STX7: variants seen among roughly 807,000 people sequenced by gnomAD.
STX7 encodes the protein syntaxin-7.
A neutral mutation model predicts 39.6 loss-of-function variants in STX7; 34 were observed. That is an observed-to-expected ratio of 0.86 (90% CI 0.65 to 1.14). The LOEUF is 1.14. Ranked by LOEUF, STX7 falls within the 50% of genes most tolerant of loss-of-function variation. The pLI, the probability that STX7 is intolerant of heterozygous loss-of-function variation, is 0.00. For synonymous variants in STX7, 119 were observed against 99.1 expected (o/e 1.20, Z -1.19); for missense variants, 284 against 310.4 (o/e 0.92, Z 0.64).
rs1196136046 is a variant in STX7, at chr6:132,452,086, CA to C, written c.*8671del. 1.3e-5 allele frequency: 2 copies of C among 151,844 alleles called. No individual in the cohort carries two copies. The highest frequency in any genetic ancestry group is 2.9e-5 in the Non-Finnish European group (2 of 67,960). The allele number at this position is 151,844 out of a possible 1,614,324, so 9.4% of individuals were successfully genotyped here. A position where few individuals can be genotyped will look rare whatever the true frequency, so the allele number is the denominator to read the frequency against. On this transcript the variant is annotated 3_prime_UTR_variant, in exon 10 of 10. Transcript: ENST00000367941. ...AGGGATGTAACAATGGCTCAACATT[CA>C]AAAATCAATCAATGTATCTACCACA...
chr6:132,472,410 C>T (rs779385834), intron 3 of STX7, 35 bp from the exon 4 acceptor site: 13 of 1,494,598 alleles, frequency 8.7e-6, no homozygotes, highest in South Asian at 7.3e-5. Flanking sequence ...AGCCAAAGGA[C>T]TAATATACTT....
Position 132,455,860 on chromosome 6 carries a change from T to C in STX7, c.*4898A>G, listed in dbSNP as rs537095460. Reference sequence around the variant, plus strand: ...ATGGGCCAATAGGAAGATTTTCTTCTTTATTCCTATTTGATTTAAAAGAAA... The same window carrying C: ...ATGGGCCAATAGGAAGATTTTCTTCCTTATTCCTATTTGATTTAAAAGAAA... On this transcript the variant is annotated 3_prime_UTR_variant, in exon 10 of 10. Coordinates refer to ENST00000367941, the MANE Select transcript of STX7 (RefSeq NM_003569.3). 6.6e-6 allele frequency: 1 copy of C among 152,370 alleles called. No homozygotes were observed. Among genetic ancestry groups the C allele is most frequent in the South Asian group, 2.1e-4 (1 of 4,826 alleles). The allele number at this position is 152,370 out of a possible 1,614,324, so 9.4% of individuals were successfully genotyped here.
chr6:132,480,661 A>C (rs1774995059), intron 2 of STX7, among the ~76,000 whole-genome samples: 1 of 152,208 alleles, frequency 6.6e-6, no homozygotes, highest in South Asian at 2.1e-4. Context: ...TGCCATCTTC[A>C]CTCATAAAAG....
At chr6:132,496,138 T>C (rs749238500) in intron 2 of STX7, among the ~76,000 whole-genome samples, 2 of 152,182 alleles carry the variant, frequency 1.3e-5, no homozygotes, top group African/African-American at 4.8e-5. Flanking sequence ...TGATACATGA[T>C]GCATATTTTA....
At chr6:132,461,306 TTTC>T (rs1438929984) in intron 9 of STX7, among the ~76,000 whole-genome samples, 1 of 151,770 alleles carries the variant, frequency 6.6e-6, no homozygotes, top group South Asian at 2.1e-4. Context: ...TTCACATATA[TTTC>T]TTTTCTTTTT....
intron 2 of STX7, among the ~76,000 whole-genome samples, chr6:132,493,316 A>G (rs924492338): frequency 1.3e-5 from 2 of 152,222 alleles, no homozygotes; most frequent in African/African-American, 4.8e-5. Context: ...TGGATTAAGT[A>G]TAAAGGGCAA....
intron 8 of STX7, among the ~76,000 whole-genome samples, chr6:132,466,423 A>T (rs1453754058): frequency 6.6e-6 from 1 of 152,220 alleles, no homozygotes; most frequent in African/African-American, 2.4e-5. Context: ...AAAGAGCCAG[A>T]AAATGAATAA....
rs902357940 is a variant in STX7, at chr6:132,449,156, T to G, written c.*11602A>C. 1 of 152,598 alleles carries G rather than the reference T, an allele frequency of 6.6e-6. No homozygotes were observed. The highest frequency in any genetic ancestry group is 2.4e-5 in the African/African-American group (1 of 41,306). 9.5% of individuals were successfully genotyped at this position (152,598 alleles called of 1,614,324 possible). A position where few individuals can be genotyped will look rare whatever the true frequency, so the allele number is the denominator to read the frequency against. ...GTGTGTGCCACCATGCCTGGCTAAT[T>G]TTTGTATTTTTTGTACAGATGGAGT... is the stretch of plus-strand genomic sequence containing the variant. On this transcript the variant is annotated 3_prime_UTR_variant, in exon 10 of 10. Transcript: ENST00000367941.
At chr6:132,475,510 A>G (rs1276547652) in intron 3 of STX7, 83 bp downstream of exon 3, 1 of 874,444 alleles carries the variant, frequency 1.1e-6, no homozygotes, top group Non-Finnish European at 1.7e-6. Context: ...CAGTAAACAT[A>G]ATATACTACA....
At position 132,446,867 on chromosome 6, in the gene STX7, A is replaced by C. The variant is rs566040047; in HGVS notation, c.*13891T>G. On this transcript the variant is annotated 3_prime_UTR_variant, in exon 10 of 10. Coordinates refer to ENST00000367941, the MANE Select transcript of STX7 (RefSeq NM_003569.3). ...GCTATTAGGCTGACTGATTTATGTA[A>C]AGCAGTGCCTATCATTTCTGCAGTT... 3.1e-4 allele frequency: 47 copies of C among 152,244 alleles called. No homozygotes were observed. The highest frequency in any genetic ancestry group is 1.1e-3 in the African/African-American group (45 of 41,556). 9.4% of individuals were successfully genotyped at this position (152,244 alleles called of 1,614,324 possible). A position where few individuals can be genotyped will look rare whatever the true frequency, so the allele number is the denominator to read the frequency against.
intron 3 of STX7, among the ~76,000 whole-genome samples, chr6:132,474,572 T>A (rs1415063216): frequency 6.6e-6 from 1 of 152,138 alleles, no homozygotes; most frequent in Admixed American, 6.6e-5. Context: ...ACTAGATATA[T>A]GTGACTTGAA....
At chr6:132,509,198 G>A (rs1204132895) in intron 1 of STX7, among the ~76,000 whole-genome samples, 5 of 152,076 alleles carry the variant, frequency 3.3e-5, no homozygotes, top group African/African-American at 2.4e-5. Context: ...GGTGGCTCAC[G>A]CCTGTAATCC....
At chr6:132,470,072 A>G in intron 6 of STX7, 25 bp from the exon 7 acceptor site, 1 of 1,540,696 alleles carries the variant, frequency 6.5e-7, no homozygotes, top group Non-Finnish European at 8.7e-7. Context: ...TGAATGTGGA[A>G]AAAAACAAAG....
Position 132,446,860 on chromosome 6 carries a change from T to G in STX7, c.*13898A>C, listed in dbSNP as rs1055631273. 1 of 152,040 alleles carries G rather than the reference T, an allele frequency of 6.6e-6. No individual in the cohort carries two copies. The highest frequency in any genetic ancestry group is 2.4e-5 in the African/African-American group (1 of 41,402). The allele number at this position is 152,040 out of a possible 1,614,324, so 9.4% of individuals were successfully genotyped here. On this transcript the variant is annotated 3_prime_UTR_variant, in exon 10 of 10. Coordinates refer to ENST00000367941, the MANE Select transcript of STX7 (RefSeq NM_003569.3). ...AAAGAATGCTATTAGGCTGACTGAT[T>G]TATGTAAAGCAGTGCCTATCATTTC...
At chr6:132,471,216 A>G (rs566470153) in intron 5 of STX7, among the ~76,000 whole-genome samples, 117 of 152,330 alleles carry the variant, frequency 7.7e-4, no homozygotes, top group African/African-American at 2.7e-3. Flanking sequence ...TTTTGACAAA[A>G]TATGTCTCTA....
In STX7 at chr6:132,471,518, G is replaced by A. The variant is rs1562324571; in HGVS notation, c.332C>T (p.Ala111Val). ...AACAAACTCTTTCTCTCGCTCAGCA[G>A]CCTGCCTCTGGACCTTCTGGAAGTT... ...LTNFQKVQRQ[A>V]AEREKEFVAR... is the part of the protein sequence containing the mutation. Residue 111 changes from alanine (A) to valine (V), a missense_variant, in exon 5 of 10, where the codon GCT (alanine) becomes GTT (valine). Coordinates refer to ENST00000367941, the MANE Select transcript of STX7 (RefSeq NM_003569.3). The A allele has an allele frequency of 2.5e-6, 4 of 1,614,058 alleles. No individual in the cohort carries two copies. The highest frequency in any genetic ancestry group is 1.7e-5 in the Admixed American group (1 of 60,016).
chr6:132,475,463 T>TA, intron 3 of STX7, 130 bp downstream of exon 3: 1 of 519,270 alleles, frequency 1.9e-6, no homozygotes, highest in Non-Finnish European at 3.2e-6. Flanking sequence ...ATGGATAAGG[T>TA]AGCAGAAAAA....
At chr6:132,478,048 TAAGA>T (rs969390073) in intron 2 of STX7, among the ~76,000 whole-genome samples, 1 of 151,814 alleles carries the variant, frequency 6.6e-6, no homozygotes, top group Non-Finnish European at 1.5e-5. Flanking sequence ...ACATAATATA[TAAGA>T]AAGAGGGAGC....
intron 2 of STX7, among the ~76,000 whole-genome samples, chr6:132,494,894 G>A (rs1775385634): frequency 6.6e-6 from 1 of 152,224 alleles, no homozygotes; most frequent in Non-Finnish European, 1.5e-5. Context: ...TGGAAGTGAG[G>A]AGAACAATTT....
Sources: gnomAD v4.1 joint callset for allele counts (sites outside exome capture counted in the v4.1 genomes callset) on GRCh38, gnomAD v4.1.1 for gene constraint, MANE v1.5 for transcripts, NCBI Gene and HGNC (gene_info 2026-07-23, HGNC 2026-07-21) for gene names.